Variants in TNFSF4 observed in about 807,000 individuals in gnomAD.
TNFSF4 encodes tumor necrosis factor ligand superfamily member 4.
In TNFSF4, 4 loss-of-function variants were observed where a neutral mutation model predicts 7.3. That is an observed-to-expected ratio of 0.55 (90% CI 0.27 to 1.25). The LOEUF is 1.25. TNFSF4 is among the 50% of genes most tolerant of loss of function. The probability of loss-of-function intolerance (pLI) is 0.12; values close to 1 mark genes in which losing one functional copy is unlikely to be tolerated. For missense variants in TNFSF4, 181 were observed against 208.8 expected, an observed-to-expected ratio of 0.87 and a Z score of 0.82; for synonymous variants, 76 against 83.7, an observed-to-expected ratio of 0.91 and a Z score of 0.50.
At chr1:173,258,461 A>G in the TNFSF4 span, among the ~76,000 whole-genome samples, 1 of 152,146 alleles carries the variant, frequency 6.6e-6, no homozygotes, top group African/African-American at 2.4e-5. Context: ...TGCATTTTCC[A>G]TGGATCTATG....
At chr1:173,283,410 A>C in the TNFSF4 span, among the ~76,000 whole-genome samples, 2 of 152,142 alleles carry the variant, frequency 1.3e-5, no homozygotes, top group African/African-American at 2.4e-5. Flanking sequence ...GAAACTAAGC[A>C]TCAAGGAGGG....
chr1:173,243,167 T>C, the TNFSF4 span, among the ~76,000 whole-genome samples: 3 of 152,188 alleles, frequency 2.0e-5, no homozygotes, highest in African/African-American at 7.2e-5. Context: ...TTAACTACTC[T>C]ATAGACAACA....
the TNFSF4 span, among the ~76,000 whole-genome samples, chr1:173,227,130 G>A: frequency 6.7e-6 from 1 of 148,798 alleles, no homozygotes; most frequent in African/African-American, 2.5e-5. Context: ...TTTTTTTCAG[G>A]AATACTTAAC....
the TNFSF4 span, among the ~76,000 whole-genome samples, chr1:173,431,817 G>A: frequency 3.3e-5 from 5 of 152,284 alleles, no homozygotes; most frequent in African/African-American, 1.2e-4. Context: ...TGACTCCTTG[G>A]TGACAGGTCA....
the TNFSF4 span, among the ~76,000 whole-genome samples, chr1:173,436,578 T>G: frequency 6.6e-6 from 1 of 152,014 alleles, no homozygotes; most frequent in Non-Finnish European, 1.5e-5. Context: ...CCTGGCTAAT[T>G]TTTGTATTTT....
chr1:173,242,394 G>T, the TNFSF4 span, among the ~76,000 whole-genome samples: 1 of 152,114 alleles, frequency 6.6e-6, no homozygotes, highest in African/African-American at 2.4e-5. Flanking sequence ...ACAGGATATT[G>T]CTTGACAATT....
At chr1:173,188,141 C>T (rs1174742837) in intron 2 of TNFSF4, among the ~76,000 whole-genome samples, 1 of 152,178 alleles carries the variant, frequency 6.6e-6, no homozygotes, top group Non-Finnish European at 1.5e-5. Context: ...TTAAGGTAAA[C>T]TCTTGCCCCA....
chr1:173,218,559 T>C, the TNFSF4 span, among the ~76,000 whole-genome samples: 1 of 151,638 alleles, frequency 6.6e-6, no homozygotes, highest in Admixed American at 6.6e-5. Flanking sequence ...GACCCAGTCT[T>C]CCATCCCTGC....
At chr1:173,370,096 C>T in the TNFSF4 span, among the ~76,000 whole-genome samples, 1 of 152,084 alleles carries the variant, frequency 6.6e-6, no homozygotes, top group Non-Finnish European at 1.5e-5. Context: ...GAGTACATAT[C>T]CCCTTCTCCC....
the TNFSF4 span, among the ~76,000 whole-genome samples, chr1:173,299,816 A>AG: frequency 6.6e-6 from 1 of 151,836 alleles, no homozygotes; most frequent in African/African-American, 2.4e-5. Flanking sequence ...TAAAGTTGGG[A>AG]GGGGGAACAT....
the TNFSF4 span, among the ~76,000 whole-genome samples, chr1:173,448,848 G>A: frequency 3.9e-5 from 6 of 152,154 alleles, no homozygotes; most frequent in Admixed American, 3.9e-4. Flanking sequence ...GGCTTGGCTT[G>A]GGCTCAGAGG....
the TNFSF4 span, among the ~76,000 whole-genome samples, chr1:173,419,343 GAAA>G: frequency 8.6e-6 from 1 of 115,804 alleles, no homozygotes. Flanking sequence ...CTCCGTCTCA[GAAA>G]AAAAAAAAAA....
intron 1 of TNFSF4, among the ~76,000 whole-genome samples, chr1:173,194,719 CAAAAAAAT>C (rs1418815823): frequency 2.6e-5 from 4 of 151,070 alleles, no homozygotes; most frequent in South Asian, 4.2e-4. Flanking sequence ...CCTATTTCTA[CAAAAAAAT>C]AAAAAAATAA....
chr1:173,398,714 C>T, the TNFSF4 span, among the ~76,000 whole-genome samples: 3 of 152,138 alleles, frequency 2.0e-5, no homozygotes, highest in Admixed American at 6.5e-5. Context: ...GCATGAGCCA[C>T]CGTGCCCAGC....
chr1:173,223,806 G>A, the TNFSF4 span, among the ~76,000 whole-genome samples: 3 of 152,120 alleles, frequency 2.0e-5, no homozygotes, highest in East Asian at 1.9e-4. Context: ...ACTCTATCAC[G>A]CCTCGTATCT....
chr1:173,419,728 C>G, the TNFSF4 span, among the ~76,000 whole-genome samples: 2 of 152,086 alleles, frequency 1.3e-5, no homozygotes, highest in Non-Finnish European at 2.9e-5. Context: ...AGGAAGCAGC[C>G]CTGATTGCCA....
chr1:173,294,348 A>G, the TNFSF4 span, among the ~76,000 whole-genome samples: 1 of 152,106 alleles, frequency 6.6e-6, no homozygotes, highest in Non-Finnish European at 1.5e-5. Context: ...AAACTAGCGC[A>G]GGAACAGAAA....
the TNFSF4 span, among the ~76,000 whole-genome samples, chr1:173,357,821 C>T: frequency 6.6e-6 from 1 of 152,196 alleles, no homozygotes; most frequent in Non-Finnish European, 1.5e-5. Context: ...AGGCGGGAGC[C>T]ACTGCACCTG....
chr1:173,390,006 G>T, the TNFSF4 span, among the ~76,000 whole-genome samples: 1 of 152,008 alleles, frequency 6.6e-6, no homozygotes, highest in Non-Finnish European at 1.5e-5. Flanking sequence ...TGGATGTTTT[G>T]TTGGGCCTGG....
Sources: allele counts gnomAD v4.1 joint callset (sites outside exome capture counted in the v4.1 genomes callset), GRCh38; gene constraint gnomAD v4.1.1; transcripts MANE v1.5; gene names NCBI Gene and HGNC (gene_info 2026-07-23, HGNC 2026-07-21).